The following SIPA1L2 variants were observed in gnomAD, a reference collection of about 807,000 sequenced individuals.
SIPA1L2 encodes signal-induced proliferation-associated 1-like protein 2.
In SIPA1L2, 56 loss-of-function variants were observed where a neutral mutation model predicts 163.9. The ratio of observed to expected loss-of-function variants is 0.34; its 90% confidence interval spans 0.28 to 0.43. The LOEUF (loss-of-function observed/expected upper bound fraction) is 0.43. Ranked by LOEUF, SIPA1L2 falls within the 20% of genes least tolerant of loss-of-function variation. SIPA1L2 has a pLI of 1.00. For synonymous variants in SIPA1L2, 877 were observed against 865.7 expected (o/e 1.01, Z -0.23); for missense variants, 1,974 against 2,193.5 (o/e 0.90, Z 2.00).
intron 1 of SIPA1L2, among the ~76,000 whole-genome samples, chr1:232,574,567 A>G (rs1659977649): frequency 6.6e-6 from 1 of 152,234 alleles, no homozygotes; most frequent in Non-Finnish European, 1.5e-5. Flanking sequence ...TTTTCATAAA[A>G]TGCTATTTAT....
intron 3 of SIPA1L2, among the ~76,000 whole-genome samples, chr1:232,499,155 A>G (rs902002747): frequency 1.3e-5 from 2 of 152,192 alleles, no homozygotes; most frequent in African/African-American, 4.8e-5. Flanking sequence ...ATAACCCTAC[A>G]ATGGCCCCTA....
At chr1:232,477,576 T>C (rs1042195246) in intron 7 of SIPA1L2, among the ~76,000 whole-genome samples, 5 of 152,140 alleles carry the variant, frequency 3.3e-5, no homozygotes, top group African/African-American at 4.8e-5. Flanking sequence ...TACAGGGACT[T>C]TTCTTTTACT....
chr1:232,597,117 C>A (rs958724253), intron 1 of SIPA1L2, among the ~76,000 whole-genome samples: 2 of 152,106 alleles, frequency 1.3e-5, no homozygotes, highest in Non-Finnish European at 2.9e-5. Flanking sequence ...TATGAGCATC[C>A]CAGAAACCCC....
intron 16 of SIPA1L2, among the ~76,000 whole-genome samples, chr1:232,428,784 C>A (rs1662051661): frequency 6.6e-6 from 1 of 152,104 alleles, no homozygotes; most frequent in African/African-American, 2.4e-5. Flanking sequence ...ATAATTCAGA[C>A]ACAAATCAGA....
intron 2 of SIPA1L2, among the ~76,000 whole-genome samples, chr1:232,545,194 C>T (rs1026470741): frequency 2.6e-5 from 4 of 152,212 alleles, no homozygotes; most frequent in African/African-American, 4.8e-5. Flanking sequence ...ATGCCGTAAG[C>T]GTAAACTCTT....
chr1:232,565,720 T>C (rs913653466), intron 2 of SIPA1L2, among the ~76,000 whole-genome samples: 45 of 152,216 alleles, frequency 3.0e-4, no homozygotes, highest in African/African-American at 9.6e-4. Flanking sequence ...TCTCTATTCC[T>C]TTCTCTCTCT....
chr1:232,400,914 T>A (rs556391874), intron 22 of SIPA1L2, among the ~76,000 whole-genome samples: 1 of 152,170 alleles, frequency 6.6e-6, no homozygotes, highest in African/African-American at 2.4e-5. Flanking sequence ...TCCAGTCTTT[T>A]AAAAATAATT....
rs546361094 is a variant in SIPA1L2 at position 232,550,323 on chromosome 1, G to A, written c.-270+23851C>T. 2.6e-5 allele frequency among the ~76,000 whole-genome samples: 4 copies of A among 152,114 alleles called. No individual in the cohort carries two copies. The South Asian group carries it at 6.2e-4, about 24-fold the overall frequency. ...ATTTCTCAGTATTTTAAATATGAAC[G>A]TTCTTATCCAGCCACCCACCGCAAG... On this transcript the variant is annotated intron_variant, in intron 2 of 22. Coordinates refer to ENST00000674635, the MANE Select transcript of SIPA1L2 (RefSeq NM_020808.5).
At chr1:232,403,326 G>C (rs1660455120) in intron 21 of SIPA1L2, 122 bp downstream of exon 21, 1 of 1,295,204 alleles carries the variant, frequency 7.7e-7, no homozygotes, top group Non-Finnish European at 1.1e-6. Context: ...GGATTCTTCA[G>C]GACTGGGAAA....
At chr1:232,470,666 T>C (rs922069372) in intron 8 of SIPA1L2, among the ~76,000 whole-genome samples, 3 of 152,206 alleles carry the variant, frequency 2.0e-5, no homozygotes, top group African/African-American at 7.2e-5. Context: ...TATTTATTCA[T>C]CATAACAACA....
In SIPA1L2 at chr1:232,515,076, G is replaced by A. The variant is rs373600811; in HGVS notation, c.264C>T (p.Asp88=). The A allele has an allele frequency of 9.5e-5, 153 of 1,614,154 alleles. No homozygotes were observed. The African/African-American group carries it at 1.9e-3, about 21-fold the overall frequency. ...ARVSEWPPKK[D]CSKELTCKAL... is the part of the protein sequence containing the mutation. ...CCTTGCATGTTAGCTCCTTGGAACA[G>A]TCCTTTTTAGGAGGCCATTCAGACA... The change falls in exon 3 of 23, where the codon GAC becomes GAT. Residue 88 remains aspartate, a synonymous_variant. Transcript: ENST00000674635.
In SIPA1L2 at chr1:232,401,109, GTCTC is replaced by G. The variant is rs146555118; in HGVS notation, c.5022+1279_5022+1282del. On this transcript the variant is annotated intron_variant, in intron 22 of 22. Coordinates refer to ENST00000674635, the MANE Select transcript of SIPA1L2 (RefSeq NM_020808.5). ...GCCCTGTACACGCCCCAGGGTCCTT[GTCTC>G]TCTCTCTCTCTCTCGTCTTGATTTC... Among the ~76,000 whole-genome samples, 35 of 149,944 alleles carry G rather than the reference GTCTC, an allele frequency of 2.3e-4. No individual in the cohort carries two copies. The East Asian group carries it at 5.9e-3, about 25-fold the overall frequency.
chr1:232,628,231 A>AAAC (rs1328194728), intron 1 of SIPA1L2, among the ~76,000 whole-genome samples: 1 of 152,218 alleles, frequency 6.6e-6, no homozygotes, highest in Non-Finnish European at 1.5e-5. Flanking sequence ...TGAAAAAATC[A>AAAC]AACATCCTCT....
chr1:232,599,085 TA>T (rs1483584719), intron 1 of SIPA1L2, among the ~76,000 whole-genome samples: 1 of 151,946 alleles, frequency 6.6e-6, no homozygotes, highest in Admixed American at 6.5e-5. Context: ...TTCGATTCAA[TA>T]ACATTAGTTC....
rs1363632841 is a variant in SIPA1L2 at position 232,464,849 on chromosome 1, C to T, written c.2811G>A (p.Gln937=). The T allele has an allele frequency of 6.3e-7, 1 of 1,598,638 alleles. No homozygotes were observed. Among genetic ancestry groups the T allele is most frequent in the East Asian group, 2.2e-5 (1 of 44,746 alleles). The change falls in exon 9 of 23, where the codon CAG becomes CAA. Residue 937 remains glutamine (Q), a synonymous_variant. Transcript: ENST00000674635. ...GAAAACATGTACTTACTACTAATCG[C>T]TGAACAATTTCCCTGATGTCTTCAG... ...NCAEDIREIV[Q]RLVIVTRGCE...
intron 4 of SIPA1L2, 147 bp from the exon 5 acceptor site, chr1:232,491,209 G>A (rs1665913879): frequency 1.5e-6 from 1 of 674,852 alleles, no homozygotes; most frequent in Admixed American, 3.0e-5. Flanking sequence ...TCCATTTAAG[G>A]AAACAAAATC....
At chr1:232,507,316 G>C (rs1666775448) in intron 3 of SIPA1L2, among the ~76,000 whole-genome samples, 4 of 152,098 alleles carry the variant, frequency 2.6e-5, no homozygotes, top group Admixed American at 1.3e-4. Context: ...TAGATTTGGA[G>C]AGGAAGCCTG....
At chr1:232,460,419 C>T (rs1008265462) in intron 10 of SIPA1L2, among the ~76,000 whole-genome samples, 4 of 152,284 alleles carry the variant, frequency 2.6e-5, no homozygotes, top group Non-Finnish European at 5.9e-5. Flanking sequence ...AGTACCTGTG[C>T]TGTTCCAACA....
intron 2 of SIPA1L2, among the ~76,000 whole-genome samples, chr1:232,552,136 G>T (rs1197335870): frequency 6.6e-6 from 1 of 152,090 alleles, no homozygotes; most frequent in East Asian, 1.9e-4. Context: ...CACCACACCC[G>T]GCTGAGAATA....
Sources: gnomAD v4.1 joint callset for allele counts (sites outside exome capture counted in the v4.1 genomes callset) on GRCh38, gnomAD v4.1.1 for gene constraint, MANE v1.5 for transcripts, NCBI Gene and HGNC (gene_info 2026-07-23, HGNC 2026-07-21) for gene names.